Variants in ADAM10 observed in about 807,000 individuals in gnomAD.
ADAM10 encodes the protein ADAM metallopeptidase domain 10.
A neutral mutation model predicts 90.1 loss-of-function variants in ADAM10; 17 were observed. The observed-to-expected ratio is 0.19, with a 90% CI of 0.13 to 0.28. The LOEUF is 0.28. Ranked by LOEUF, ADAM10 falls within the 10% of genes least tolerant of loss-of-function variation. The pLI, the probability that ADAM10 is intolerant of heterozygous loss-of-function variation, is 1.00. For synonymous variants in ADAM10, 310 were observed against 298.6 expected, an observed-to-expected ratio of 1.04 and a Z score of -0.40; for missense variants, 610 against 914.3, an observed-to-expected ratio of 0.67 and a Z score of 4.29.
chr15:58,691,249 TCTC>T, intron 2 of ADAM10: 1 of 996,240 alleles, frequency 1.0e-6, no homozygotes, highest in Non-Finnish European at 1.6e-6. Flanking sequence ...ATTATCTTCT[TCTC>T]CTCCTCATCC....
intron 9 of ADAM10, among the ~76,000 whole-genome samples, chr15:58,630,740 AG>A (rs1435496602): frequency 6.6e-6 from 1 of 152,252 alleles, no homozygotes. Context: ...CAAACGTATA[AG>A]AGAGAAAGAG....
chr15:58,643,452 A>C (rs564428111), intron 7 of ADAM10, among the ~76,000 whole-genome samples: 4 of 152,286 alleles, frequency 2.6e-5, no homozygotes, highest in African/African-American at 9.6e-5. Context: ...CCAACTTCCA[A>C]TTTTATTTAA....
chr15:58,640,398 T>C lies in ADAM10; in HGVS notation c.1012+379A>G, dbSNP rs528040996. Among the ~76,000 whole-genome samples the C allele has an allele frequency of 5.6e-4, 86 of 152,348 alleles. 1 individual carries two copies. The highest frequency in any genetic ancestry group is 1.9e-3 in the African/African-American group (81 of 41,582). ...ACAGAAGAGAGAGCAAGACACAGTT[T>C]TCCTCTTTTGATTCTAAGTACCCTA... On this transcript the variant is annotated intron_variant, in intron 8 of 15. Transcript: ENST00000260408.
At chr15:58,624,980 G>C (rs1025400014) in intron 10 of ADAM10, among the ~76,000 whole-genome samples, 1 of 152,078 alleles carries the variant, frequency 6.6e-6, no homozygotes, top group Non-Finnish European at 1.5e-5. Context: ...TGAAAACCCA[G>C]TTTACAAATG....
At position 58,641,056 on chromosome 15, in the gene ADAM10, T is replaced by C. The variant is rs1383469241; in HGVS notation, c.829-96A>G. On this transcript the variant is annotated intron_variant, in intron 7 of 15. Transcript: ENST00000260408. The stretch of plus-strand genomic sequence containing the variant: ...TTCTTCTGCGTACACCTGGACAATA[T>C]GCTCCCATGGAAATCAGGCCTGAAT... 5 of 1,187,314 alleles carry C rather than the reference T, an allele frequency of 4.2e-6. No homozygotes were observed. In the African/African-American group the frequency reaches 4.6e-5, roughly 11 times the overall value. The allele number at this position is 1,187,314 out of a possible 1,614,324, so 73.5% of individuals were successfully genotyped here.
intron 5 of ADAM10, among the ~76,000 whole-genome samples, chr15:58,662,566 G>C (rs890896060): frequency 6.6e-6 from 1 of 152,084 alleles, no homozygotes; most frequent in South Asian, 2.1e-4. Context: ...GGCTGGTCTC[G>C]CACTCCTGGC....
intron 11 of ADAM10, among the ~76,000 whole-genome samples, chr15:58,613,102 A>C (rs1290369692): frequency 1.3e-5 from 2 of 152,226 alleles, no homozygotes; most frequent in Non-Finnish European, 2.9e-5. Context: ...AGGCGTTGCC[A>C]CTGAGGACAT....
intron 11 of ADAM10, among the ~76,000 whole-genome samples, chr15:58,612,537 C>T (rs1895470993): frequency 6.6e-6 from 1 of 152,172 alleles, no homozygotes; most frequent in Non-Finnish European, 1.5e-5. Context: ...GACAGCTGTG[C>T]TTGAACATTC....
chr15:58,671,730 T>C (rs1897198413), intron 4 of ADAM10, among the ~76,000 whole-genome samples: 1 of 152,156 alleles, frequency 6.6e-6, no homozygotes. Context: ...ATATATTTTT[T>C]AAAGTGAGCC....
intron 2 of ADAM10, among the ~76,000 whole-genome samples, chr15:58,686,858 C>T (rs1347881681): frequency 6.6e-6 from 1 of 152,108 alleles, no homozygotes; most frequent in African/African-American, 2.4e-5. Context: ...TACTTTTATA[C>T]ATAAGATAAA....
chr15:58,659,559 A>G (rs1166784925), intron 5 of ADAM10, among the ~76,000 whole-genome samples: 2 of 152,122 alleles, frequency 1.3e-5, no homozygotes, highest in Non-Finnish European at 2.9e-5. Context: ...TATAAACTTC[A>G]TTTGAGCATA....
In ADAM10 at chr15:58,621,495, T is replaced by C; in HGVS notation, c.1487A>G (p.Lys496Arg). The change falls in exon 11 of 16, where the codon AAA (lysine) becomes AGA (arginine). Residue 496 changes from lysine to arginine, a missense_variant. Lys to Arg is a conservative substitution (Grantham distance 26, BLOSUM62 2). Coordinates refer to ENST00000260408, the MANE Select transcript of ADAM10 (RefSeq NM_001110.4). ...CCTGCACTGTTTCCCAGGTTTCAGT[T>C]TGCATTTTCTTCCCTCTGGTTGATT... ...DANQPEGRKC[K>R]LKPGKQCSPS... 6.2e-7 allele frequency: 1 copy of C among 1,614,122 alleles called. No homozygotes were observed. The highest frequency in any genetic ancestry group is 2.2e-5 in the East Asian group (1 of 44,862).
chr15:58,612,461 TG>T (rs1185802505), intron 11 of ADAM10, among the ~76,000 whole-genome samples: 1 of 152,174 alleles, frequency 6.6e-6, no homozygotes, highest in Non-Finnish European at 1.5e-5. Flanking sequence ...GAGTCTGAGC[TG>T]CTGAGACACC....
At chr15:58,605,350 G>T (rs553820761) in intron 14 of ADAM10, among the ~76,000 whole-genome samples, 16 of 152,108 alleles carry the variant, frequency 1.1e-4, no homozygotes, top group Admixed American at 1.3e-4. Flanking sequence ...AGCGTGTGGG[G>T]AAATGGAACA....
intron 2 of ADAM10, among the ~76,000 whole-genome samples, chr15:58,688,593 G>GT (rs1294467117): frequency 5.3e-5 from 8 of 150,516 alleles, no homozygotes; most frequent in African/African-American, 2.0e-4. Flanking sequence ...TCTATATATT[G>GT]TAAATATGTT....
chr15:58,688,947 GTAAA>G (rs772253349), intron 2 of ADAM10, among the ~76,000 whole-genome samples: 3 of 145,974 alleles, frequency 2.1e-5, no homozygotes, highest in South Asian at 2.1e-4. Context: ...CTATCAAACA[GTAAA>G]TAAATAAAGA....
chr15:58,716,654 C>CT (rs1365837568), intron 2 of ADAM10, among the ~76,000 whole-genome samples: 1 of 152,120 alleles, frequency 6.6e-6, no homozygotes, highest in Non-Finnish European at 1.5e-5. Flanking sequence ...TAATTGAAGA[C>CT]TTTAGATCAA....
chr15:58,704,326 T>A (rs1457881580), intron 2 of ADAM10, among the ~76,000 whole-genome samples: 1 of 151,568 alleles, frequency 6.6e-6, no homozygotes, highest in African/African-American at 2.4e-5. Context: ...AAATGGGGAG[T>A]CACTGTTTAA....
chr15:58,741,565 T>G (rs1223109299), intron 1 of ADAM10, among the ~76,000 whole-genome samples: 3 of 152,178 alleles, frequency 2.0e-5, no homozygotes, highest in African/African-American at 7.2e-5. Context: ...TTAAGACATT[T>G]TCAACTTCAA....
Sources: allele counts gnomAD v4.1 joint callset (sites outside exome capture counted in the v4.1 genomes callset), GRCh38; gene constraint gnomAD v4.1.1; transcripts MANE v1.5; gene names NCBI Gene and HGNC (gene_info 2026-07-23, HGNC 2026-07-21).